The following WNT7B variants were observed in gnomAD, a reference collection of about 807,000 sequenced individuals.
The protein encoded by WNT7B is Wnt family member 7B.
WNT7B carries 19 observed loss-of-function variants against 38.2 expected under a neutral mutation model. That is an observed-to-expected ratio of 0.50 (90% CI 0.35 to 0.73). The LOEUF (loss-of-function observed/expected upper bound fraction) is 0.73, where lower values mean the gene tolerates loss of function less well. WNT7B is among the 30% of genes least tolerant of loss of function. The pLI is 0.01. For missense variants in WNT7B, 423 were observed against 507.9 expected (o/e 0.83, Z 1.61); for synonymous variants, 243 against 209.3 (o/e 1.16, Z -1.39).
Position 45,922,767 on chromosome 22 carries a change from C to T in WNT7B, c.*89G>A. 2.0e-6 allele frequency: 3 copies of T among 1,528,556 alleles called. No homozygotes were observed. The highest frequency in any genetic ancestry group is 2.6e-6 in the Non-Finnish European group (3 of 1,137,788). 94.7% of individuals were successfully genotyped at this position (1,528,556 alleles called of 1,614,324 possible). On this transcript the variant is annotated 3_prime_UTR_variant, in exon 4 of 4. Transcript: ENST00000339464. ...CTTCTGCACCCGTCTATGTCTGCTG[C>T]TGGCAGCACCAAGGCAGGGAAGGTG...
At chr22:45,967,008 G>C (rs1180361065) in intron 1 of WNT7B, among the ~76,000 whole-genome samples, 1 of 152,184 alleles carries the variant, frequency 6.6e-6, no homozygotes, top group Admixed American at 6.5e-5. Flanking sequence ...CAGGACCCAC[G>C]CTCAGAGGAC....
chr22:45,949,833 G>A, intron 2 of WNT7B, 87 bp downstream of exon 2: 5 of 1,325,638 alleles, frequency 3.8e-6, no homozygotes, highest in Non-Finnish European at 4.2e-6. Context: ...GTGCAGAACA[G>A]CGGCCTAGGC....
intron 2 of WNT7B, among the ~76,000 whole-genome samples, chr22:45,948,667 C>T (rs1178098662): frequency 1.3e-5 from 2 of 152,158 alleles, no homozygotes; most frequent in East Asian, 3.9e-4. Flanking sequence ...CACACAACAG[C>T]AGTTTACTGA....
intron 1 of WNT7B, among the ~76,000 whole-genome samples, chr22:45,964,424 C>T (rs9330809): frequency 0.14 from 21,474 of 152,138 alleles, 1,710 homozygotes; most frequent in East Asian, 0.23. Flanking sequence ...AGGCCAGCCC[C>T]CCCCAGGCTG....
At chr22:45,964,431 G>C (rs1457362432) in intron 1 of WNT7B, among the ~76,000 whole-genome samples, 2 of 152,176 alleles carry the variant, frequency 1.3e-5, no homozygotes, top group African/African-American at 4.8e-5. Context: ...CCCCCCCCAG[G>C]CTGAGGGGAG....
At chr22:45,931,851 G>A (rs970540949) in intron 2 of WNT7B, among the ~76,000 whole-genome samples, 3 of 152,142 alleles carry the variant, frequency 2.0e-5, no homozygotes, top group Non-Finnish European at 2.9e-5. Flanking sequence ...GACCAGGCAT[G>A]CATGGCTGAT....
chr22:45,962,885 G>A (rs573602625), intron 1 of WNT7B, among the ~76,000 whole-genome samples: 12 of 152,244 alleles, frequency 7.9e-5, no homozygotes, highest in Non-Finnish European at 1.2e-4. Flanking sequence ...GGTGGAACAC[G>A]TTGGAGAGAG....
chr22:45,926,884 G>A (rs1016413910), intron 3 of WNT7B: 8 of 985,286 alleles, frequency 8.1e-6, no homozygotes, highest in African/African-American at 5.2e-5. Context: ...CCATTAGGAC[G>A]GTGTGAACAA....
intron 3 of WNT7B, chr22:45,925,977 C>T (rs1359998100): frequency 1.1e-6 from 1 of 943,160 alleles, no homozygotes; most frequent in Admixed American, 6.2e-5. Context: ...CCCCTCCTCC[C>T]TCCCCTGTCC....
chr22:45,930,861 C>T (rs192218313), intron 3 of WNT7B, among the ~76,000 whole-genome samples: 23 of 152,310 alleles, frequency 1.5e-4, no homozygotes, highest in Admixed American at 5.2e-4. Context: ...CCCTGGGGGC[C>T]GTGAGCATCG....
chr22:45,928,541 C>A (rs539621780), intron 3 of WNT7B, among the ~76,000 whole-genome samples: 2 of 152,016 alleles, frequency 1.3e-5, no homozygotes, highest in Admixed American at 6.5e-5. Flanking sequence ...TGGCCACTGG[C>A]GGCATCATCA....
At chr22:45,925,997 G>A (rs910557854) in intron 3 of WNT7B, 55 of 985,158 alleles carry the variant, frequency 5.6e-5, no homozygotes, top group Admixed American at 4.3e-4. Flanking sequence ...CCTGTCTCCC[G>A]GTCTTCATCA....
At chr22:45,940,721 G>T (rs1291090333) in intron 2 of WNT7B, among the ~76,000 whole-genome samples, 2 of 152,224 alleles carry the variant, frequency 1.3e-5, no homozygotes, top group Admixed American at 6.5e-5. Flanking sequence ...AGCCACAGAG[G>T]AGCCAGCAGG....
chr22:45,930,790 C>A (rs756217885), intron 3 of WNT7B, among the ~76,000 whole-genome samples: 1 of 152,192 alleles, frequency 6.6e-6, no homozygotes. Flanking sequence ...TGGGACCCTC[C>A]GCCACGGGGT....
intron 1 of WNT7B, among the ~76,000 whole-genome samples, chr22:45,963,162 T>C (rs550876835): frequency 6.6e-6 from 1 of 152,312 alleles, no homozygotes; most frequent in Non-Finnish European, 1.5e-5. Flanking sequence ...TCAGACAGCA[T>C]GTGAGCCAGA....
intron 1 of WNT7B, among the ~76,000 whole-genome samples, chr22:45,970,409 C>T (rs186693783): frequency 4.7e-5 from 7 of 148,844 alleles, no homozygotes; most frequent in South Asian, 2.1e-4. Context: ...GAGGTAAACC[C>T]GGGGTCTGCA....
rs1190556074 is a variant in WNT7B at position 45,976,771 on chromosome 22, C to A, written c.-17G>T. The A allele has an allele frequency of 7.5e-6, 12 of 1,601,398 alleles. No individual in the cohort carries two copies. The highest frequency in any genetic ancestry group is 1.0e-5 in the Non-Finnish European group (12 of 1,172,830). On this transcript the variant is annotated 5_prime_UTR_variant, in exon 1 of 4. Transcript: ENST00000339464. The surrounding 1 kb of genome is among the most constrained non-coding windows in gnomAD (Gnocchi z 8.5). ...TCTGTGCATGATCCAGGGAGGGGGG[C>A]TGCGCCATAGACAGCGGCGGCCGGA...
In WNT7B at chr22:45,966,467, G is replaced by A. The variant is rs1932313330; in HGVS notation, c.71+10217C>T. On this transcript the variant is annotated intron_variant, in intron 1 of 3. Coordinates refer to ENST00000339464, the MANE Select transcript of WNT7B (RefSeq NM_058238.3). This position sits in a 1 kb window ranked among gnomAD's most constrained non-coding sequence, Gnocchi z 4.2. ...CGGAAGGGTTGGAGCAGGGATCACAGTGCGGGAGGGCTCCAGAAAGCGATA... is the reference window on the plus strand; with the variant it reads ...CGGAAGGGTTGGAGCAGGGATCACAATGCGGGAGGGCTCCAGAAAGCGATA... Among the ~76,000 whole-genome samples the A allele has an allele frequency of 6.6e-6, 1 of 152,210 alleles. No homozygotes were observed. The highest frequency in any genetic ancestry group is 6.5e-5 in the Admixed American group (1 of 15,282).
At chr22:45,923,436 C>T in intron 3 of WNT7B, 101 bp from the exon 4 acceptor site, 2 of 1,464,408 alleles carry the variant, frequency 1.4e-6, no homozygotes, top group South Asian at 2.8e-5. Context: ...GCCCGCTCCT[C>T]CCCTTGGGCT....
Sources: allele counts gnomAD v4.1 joint callset (sites outside exome capture counted in the v4.1 genomes callset), GRCh38; gene constraint gnomAD v4.1.1; non-coding constraint Gnocchi (gnomAD v3.1); transcripts MANE v1.5; gene names NCBI Gene and HGNC (gene_info 2026-07-23, HGNC 2026-07-21).